NHEJ1: variants seen among roughly 807,000 people sequenced by gnomAD.
NHEJ1 encodes the protein non-homologous end-joining factor 1.
Under a neutral mutation model 39.4 loss-of-function variants are expected in NHEJ1, and 22 were observed. That is an observed-to-expected ratio of 0.56 (90% CI 0.40 to 0.80). The LOEUF (loss-of-function observed/expected upper bound fraction) is 0.80, where lower values mean the gene tolerates loss of function less well. Ranked by LOEUF, NHEJ1 falls within the 30% of genes least tolerant of loss-of-function variation. The pLI is 0.00. For synonymous variants in NHEJ1, 154 were observed against 135.6 expected (o/e 1.14, Z -0.94); for missense variants, 329 against 357.1 (o/e 0.92, Z 0.63).
intron 5 of NHEJ1, among the ~76,000 whole-genome samples, chr2:219,104,562 G>A (rs1255631704): frequency 6.6e-6 from 1 of 152,124 alleles, no homozygotes; most frequent in African/African-American, 2.4e-5. Flanking sequence ...TAAGTCTCAA[G>A]AATAAGATGC....
intron 5 of NHEJ1, among the ~76,000 whole-genome samples, chr2:219,145,953 A>AG (rs1364283701): frequency 6.6e-6 from 1 of 152,106 alleles, no homozygotes; most frequent in African/African-American, 2.4e-5. Context: ...AAAAAAAAAA[A>AG]AAAGAAAATG....
chr2:219,142,524 T>C (rs1457192010), intron 5 of NHEJ1, among the ~76,000 whole-genome samples: 1 of 152,060 alleles, frequency 6.6e-6, no homozygotes, highest in Non-Finnish European at 1.5e-5. Context: ...CTCACCCCAT[T>C]ACACTGGGAT....
At position 219,073,357 on chromosome 2, in the gene NHEJ1, G is replaced by A. The variant is rs1482859354; in HGVS notation, c.*3024C>T. Among the ~76,000 whole-genome samples, 1 of 152,208 alleles carries A rather than the reference G, an allele frequency of 6.6e-6. No homozygotes were observed. Among genetic ancestry groups the A allele is most frequent in the African/African-American group, 2.4e-5 (1 of 41,446 alleles). On this transcript the variant is annotated 3_prime_UTR_variant, in exon 8 of 8. Coordinates refer to ENST00000356853, the MANE Select transcript of NHEJ1 (RefSeq NM_024782.3). ...CCTTGATCTGGGAGACTGGCTGCCT[G>A]GTGACAAGAGAAGAGAATGACCCTA...
intron 5 of NHEJ1, among the ~76,000 whole-genome samples, chr2:219,131,190 G>A (rs1281344938): frequency 6.6e-6 from 1 of 152,150 alleles, no homozygotes; most frequent in African/African-American, 2.4e-5. Context: ...GTTGGGGGAG[G>A]GAAATAGATA....
chr2:219,146,731 C>T lies in NHEJ1; in HGVS notation c.537G>A (p.Leu179=). The stretch of plus-strand genomic sequence containing the variant: ...AATTTTCTTCAAATGGTTCTGTCTT[C>T]AATCGATCTGTAATAAGAAGGATCA... ...ESGATLIRDR[L]KTEPFEENSF... The change falls in exon 5 of 8, where the codon TTG becomes TTA. Residue 179 remains leucine, a synonymous_variant. Transcript: ENST00000356853. The T allele has an allele frequency of 1.2e-6, 2 of 1,609,308 alleles. No individual in the cohort carries two copies. Among genetic ancestry groups the T allele is most frequent in the Non-Finnish European group, 1.7e-6 (2 of 1,175,614 alleles).
At chr2:219,088,601 A>G (rs1949132906) in intron 5 of NHEJ1, among the ~76,000 whole-genome samples, 1 of 152,234 alleles carries the variant, frequency 6.6e-6, no homozygotes, top group Non-Finnish European at 1.5e-5. Context: ...AAAATTAATG[A>G]TCATATTAGA....
chr2:219,147,917 G>C (rs1385179423), intron 3 of NHEJ1, 122 bp from the exon 4 acceptor site: 1 of 935,220 alleles, frequency 1.1e-6, no homozygotes, highest in Non-Finnish European at 1.6e-6. Flanking sequence ...AGTTTCATAG[G>C]CAAGTAACCC....
chr2:219,103,183 A>C (rs1206390425), intron 5 of NHEJ1, among the ~76,000 whole-genome samples: 2 of 151,480 alleles, frequency 1.3e-5, no homozygotes, highest in African/African-American at 2.4e-5. Flanking sequence ...GAAAAAAAAA[A>C]AAACTGAAAA....
In NHEJ1 at chr2:219,115,752, G is replaced by A. The variant is rs530322911; in HGVS notation, c.588+30928C>T. Among the ~76,000 whole-genome samples the A allele has an allele frequency of 5.9e-5, 9 of 152,240 alleles. No individual in the cohort carries two copies. The East Asian group carries it at 1.2e-3, about 20-fold the overall frequency. Reference sequence around the variant, plus strand: ...CCGACAACTCATGTGGGCTGTCTCCGCATTTTACCCAGCTCCCTACTCGTT... The same window carrying A: ...CCGACAACTCATGTGGGCTGTCTCCACATTTTACCCAGCTCCCTACTCGTT... On this transcript the variant is annotated intron_variant, in intron 5 of 7. Transcript: ENST00000356853.
At chr2:219,130,439 G>C (rs1949567510) in intron 5 of NHEJ1, among the ~76,000 whole-genome samples, 1 of 152,070 alleles carries the variant, frequency 6.6e-6, no homozygotes, top group South Asian at 2.1e-4. Flanking sequence ...CAAGATCAGA[G>C]GAACAAAACT....
At chr2:219,091,996 T>C (rs1236094140) in intron 5 of NHEJ1, among the ~76,000 whole-genome samples, 1 of 152,226 alleles carries the variant, frequency 6.6e-6, no homozygotes, top group Non-Finnish European at 1.5e-5. Flanking sequence ...CAGATTATTC[T>C]AGGTACAAAG....
At chr2:219,155,932 CA>C (rs959572719) in intron 3 of NHEJ1, among the ~76,000 whole-genome samples, 1 of 127,142 alleles carries the variant, frequency 7.9e-6, no homozygotes, top group Non-Finnish European at 1.7e-5. Flanking sequence ...CAAAAAAAAA[CA>C]AAAAAAAATA....
At chr2:219,094,438 T>C (rs1361992911) in intron 5 of NHEJ1, among the ~76,000 whole-genome samples, 2 of 152,030 alleles carry the variant, frequency 1.3e-5, no homozygotes, top group African/African-American at 4.8e-5. Flanking sequence ...GGAGTCAAGA[T>C]AGGCTTGATT....
chr2:219,118,750 G>A (rs1949440578), intron 5 of NHEJ1, among the ~76,000 whole-genome samples: 1 of 152,062 alleles, frequency 6.6e-6, no homozygotes. Flanking sequence ...CAGGGAAGGG[G>A]GAGGCCCAAG....
intron 5 of NHEJ1, among the ~76,000 whole-genome samples, chr2:219,098,483 T>C (rs920625092): frequency 6.6e-6 from 1 of 152,248 alleles, no homozygotes; most frequent in Non-Finnish European, 1.5e-5. Context: ...ATGGCTACTT[T>C]ATCTTTGCAC....
chr2:219,118,796 G>A (rs1376804066), intron 5 of NHEJ1, among the ~76,000 whole-genome samples: 6 of 152,216 alleles, frequency 3.9e-5, no homozygotes, highest in South Asian at 4.1e-4. Context: ...GAGACAGCCC[G>A]GCGGGCTTAT....
intron 3 of NHEJ1, among the ~76,000 whole-genome samples, chr2:219,152,552 G>A (rs954336599): frequency 4.6e-5 from 7 of 152,140 alleles, no homozygotes; most frequent in African/African-American, 1.7e-4. Context: ...TTGAACTCCT[G>A]GGCTCAAGTG....
intron 5 of NHEJ1, among the ~76,000 whole-genome samples, chr2:219,145,042 C>T (rs1043556979): frequency 6.6e-6 from 1 of 152,096 alleles, no homozygotes. Flanking sequence ...TGGCGAAACC[C>T]CGTTTCTACT....
chr2:219,116,962 C>T (rs1949421827), intron 5 of NHEJ1, among the ~76,000 whole-genome samples: 1 of 152,120 alleles, frequency 6.6e-6, no homozygotes, highest in South Asian at 2.1e-4. Flanking sequence ...ATAGAGCCAA[C>T]AGAAAGGAGA....
Sources: gnomAD v4.1 joint callset for allele counts (sites outside exome capture counted in the v4.1 genomes callset) on GRCh38, gnomAD v4.1.1 for gene constraint, MANE v1.5 for transcripts, NCBI Gene and HGNC (gene_info 2026-07-23, HGNC 2026-07-21) for gene names.